Variants in SGCZ observed in about 807,000 individuals in gnomAD.
SGCZ encodes the protein sarcoglycan zeta.
A neutral mutation model predicts 41.3 loss-of-function variants in SGCZ; 40 were observed. That is an observed-to-expected ratio of 0.97 (90% confidence interval 0.75 to 1.26). The LOEUF is 1.26. Ranked by LOEUF, SGCZ falls within the 50% of genes most tolerant of loss-of-function variation. The pLI is 0.00. For synonymous variants in SGCZ, 206 were observed against 137.5 expected, an observed-to-expected ratio of 1.50 and a Z score of -3.49; for missense variants, 552 against 369.8, an observed-to-expected ratio of 1.49 and a Z score of -4.04.
At chr8:14,946,011 T>A (rs1309231295) in intron 1 of SGCZ, among the ~76,000 whole-genome samples, 1 of 32,376 alleles carries the variant, frequency 3.1e-5, no homozygotes, top group East Asian at 1.1e-3. Context: ...TCCCCATATA[T>A]ATATATATAT....
At chr8:14,240,327 C>CAAAAAAAAAAAA (rs59351247) in intron 3 of SGCZ, among the ~76,000 whole-genome samples, 7 of 115,224 alleles carry the variant, frequency 6.1e-5, no homozygotes, top group Admixed American at 9.6e-5. Context: ...AACTCTGTGT[C>CAAAAAAAAAAAA]AAAAAAAAAA....
At chr8:14,093,687 C>T (rs1464693076) in intron 7 of SGCZ, among the ~76,000 whole-genome samples, 1 of 151,990 alleles carries the variant, frequency 6.6e-6, no homozygotes, top group Non-Finnish European at 1.5e-5. Flanking sequence ...CTGCACACTA[C>T]AATTAAGCCA....
intron 1 of SGCZ, among the ~76,000 whole-genome samples, chr8:14,608,640 G>A (rs1805829448): frequency 6.6e-5 from 1 of 15,230 alleles, no homozygotes; most frequent in Non-Finnish European, 1.2e-4. Context: ...AATGGTCATC[G>A]ACATACATTT....
intron 1 of SGCZ, among the ~76,000 whole-genome samples, chr8:14,785,153 T>C (rs1800729392): frequency 6.6e-6 from 1 of 151,280 alleles, no homozygotes; most frequent in Non-Finnish European, 1.5e-5. Context: ...AATAAAATGA[T>C]AATCCCAGTG....
intron 4 of SGCZ, among the ~76,000 whole-genome samples, chr8:14,206,924 C>T (rs1453647758): frequency 6.6e-6 from 1 of 152,160 alleles, no homozygotes; most frequent in Non-Finnish European, 1.5e-5. Flanking sequence ...CTTCAACCCA[C>T]ACCAAGGCAA....
At chr8:14,634,177 A>G (rs1419879993) in intron 1 of SGCZ, among the ~76,000 whole-genome samples, 2 of 152,044 alleles carry the variant, frequency 1.3e-5, no homozygotes, top group Admixed American at 1.3e-4. Context: ...TTTATTCTCC[A>G]CTTCCAATTT....
At chr8:14,948,442 T>C (rs1563383851) in intron 1 of SGCZ, among the ~76,000 whole-genome samples, 1 of 151,614 alleles carries the variant, frequency 6.6e-6, no homozygotes, top group Non-Finnish European at 1.5e-5. Context: ...TTTGAAAAGA[T>C]TGTCCTCACA....
In SGCZ at chr8:14,170,445, G is replaced by C. The variant is rs189634020; in HGVS notation, c.425-5743C>G. Reference sequence around the variant, plus strand: ...ATAATAATATTAATAAAGGAATTGTGTGACTACCTAGCAAGCCATTTAATA... The same window carrying C: ...ATAATAATATTAATAAAGGAATTGTCTGACTACCTAGCAAGCCATTTAATA... On this transcript the variant is annotated intron_variant, in intron 4 of 7. Transcript: ENST00000382080. Among the ~76,000 whole-genome samples the C allele has an allele frequency of 2.0e-5, 3 of 152,124 alleles. No homozygotes were observed. The East Asian group carries it at 5.8e-4, about 29-fold the overall frequency.
chr8:14,254,358 C>T (rs987478146), intron 3 of SGCZ, among the ~76,000 whole-genome samples: 18 of 152,196 alleles, frequency 1.2e-4, no homozygotes, highest in African/African-American at 4.3e-4. Flanking sequence ...TTAAAGCATT[C>T]GCTTGTAAAT....
intron 2 of SGCZ, among the ~76,000 whole-genome samples, chr8:14,394,143 C>CTTTTTTTTTTT: frequency 8.5e-6 from 1 of 117,496 alleles, no homozygotes; most frequent in Admixed American, 1.0e-4. Context: ...CGCCCCCCAC[C>CTTTTTTTTTTT]TTTTTTTTTT....
intron 2 of SGCZ, among the ~76,000 whole-genome samples, chr8:14,546,689 ATAAT>A (rs1447614311): frequency 3.9e-5 from 6 of 152,192 alleles, no homozygotes; most frequent in African/African-American, 1.4e-4. Context: ...AGTTCAAAAG[ATAAT>A]TAATAAGCAG....
chr8:14,891,088 T>C (rs934348553), intron 1 of SGCZ, among the ~76,000 whole-genome samples: 22 of 152,178 alleles, frequency 1.4e-4, no homozygotes, highest in Non-Finnish European at 4.4e-5. Flanking sequence ...CACAAGGAGA[T>C]TAATGTTTCC....
chr8:14,663,095 T>C (rs1807807293), intron 1 of SGCZ, among the ~76,000 whole-genome samples: 1 of 152,166 alleles, frequency 6.6e-6, no homozygotes, highest in South Asian at 2.1e-4. Flanking sequence ...AATTATGACC[T>C]ATAAAACTAT....
chr8:15,221,538 G>T (rs1801602120), intron 1 of SGCZ, among the ~76,000 whole-genome samples: 1 of 152,070 alleles, frequency 6.6e-6, no homozygotes, highest in South Asian at 2.1e-4. Flanking sequence ...TCCTATCATA[G>T]GCTAGTTCAA....
chr8:14,509,102 T>G (rs187349670), intron 2 of SGCZ, among the ~76,000 whole-genome samples: 1 of 152,246 alleles, frequency 6.6e-6, no homozygotes, highest in African/African-American at 2.4e-5. Context: ...AGGCTCTTTA[T>G]GTATTAAACA....
chr8:14,839,489 G>C lies in SGCZ; in HGVS notation c.40-284563C>G, dbSNP rs897439729. On this transcript the variant is annotated intron_variant, in intron 1 of 7. Transcript: ENST00000382080. ...AAAAGTTAAATAGAGATTTAAATTT[G>C]AGAGTTATTATTGTTTTTATGTAAT... Among the ~76,000 whole-genome samples, 12 of 152,254 alleles carry C rather than the reference G, an allele frequency of 7.9e-5. No individual in the cohort carries two copies. In the East Asian group the frequency reaches 2.3e-3, roughly 29 times the overall value.
intron 4 of SGCZ, among the ~76,000 whole-genome samples, chr8:14,186,218 C>A (rs1297573094): frequency 6.6e-6 from 1 of 152,158 alleles, no homozygotes; most frequent in Non-Finnish European, 1.5e-5. Context: ...TTGAAAACAA[C>A]AATTTAATGT....
intron 1 of SGCZ, among the ~76,000 whole-genome samples, chr8:14,935,693 C>A (rs946529814): frequency 4.0e-5 from 6 of 151,582 alleles, no homozygotes; most frequent in Non-Finnish European, 8.9e-5. Context: ...ATAATTACTC[C>A]AAATATCAAC....
chr8:14,980,180 G>C (rs1359072006), intron 1 of SGCZ, among the ~76,000 whole-genome samples: 1 of 152,142 alleles, frequency 6.6e-6, no homozygotes, highest in Non-Finnish European at 1.5e-5. Flanking sequence ...TGTAAGGAAG[G>C]AAACGATCAC....
Sources: gnomAD v4.1 joint callset for allele counts (sites outside exome capture counted in the v4.1 genomes callset) on GRCh38, gnomAD v4.1.1 for gene constraint, MANE v1.5 for transcripts, NCBI Gene and HGNC (gene_info 2026-07-23, HGNC 2026-07-21) for gene names.